CORO7: variants seen among roughly 807,000 people sequenced by gnomAD.
The protein encoded by CORO7 is coronin-7.
In CORO7, 107 loss-of-function variants were observed where a neutral mutation model predicts 126.6. The observed-to-expected ratio is 0.85, with a 90% CI of 0.72 to 0.99. The LOEUF is 0.99. Ranked by LOEUF, CORO7 falls within the 50% of genes least tolerant of loss-of-function variation. The pLI is 0.00. For missense variants in CORO7, 1,314 were observed against 1,255.8 expected (o/e 1.05, Z -0.70); for synonymous variants, 603 against 536.8 (o/e 1.12, Z -1.70).
intron 6 of CORO7, among the ~76,000 whole-genome samples, chr16:4,403,029 T>A (rs973916407): frequency 6.8e-6 from 1 of 146,184 alleles, no homozygotes; most frequent in Non-Finnish European, 1.5e-5. Context: ...GGGGCGGGGG[T>A]GGGGGCACAC....
At position 4,405,498 on chromosome 16, in the gene CORO7, G is replaced by A. The variant is rs202239794; in HGVS notation, c.557C>T (p.Ala186Val). 1.7e-5 allele frequency: 27 copies of A among 1,612,242 alleles called. No individual in the cohort carries two copies. The highest frequency in any genetic ancestry group is 4.0e-5 in the African/African-American group (3 of 75,058). The part of the protein sequence containing the change: ...WSRDGALVGT[A>V]CKDKQLRIFD... ...CCCCACCTGCCTGCTCACCTTGCAC[G>A]CCGTGCCCACCAGGGCTCCATCTCG... Residue 186 changes from alanine to valine, a missense_variant, in exon 6 of 28, where the codon GCG becomes GTG. By Grantham distance (64) the Ala-to-Val change is moderately conservative. Coordinates refer to ENST00000251166, the MANE Select transcript of CORO7 (RefSeq NM_024535.5).
chr16:4,378,526 C>T (rs767326450), intron 9 of CORO7, among the ~76,000 whole-genome samples: 246 of 152,276 alleles, frequency 1.6e-3, no homozygotes, highest in Non-Finnish European at 1.1e-3. Context: ...AGGCCGCACC[C>T]GCCGTCCTCT....
At chr16:4,404,320 T>C (rs1359782502) in intron 6 of CORO7, among the ~76,000 whole-genome samples, 2 of 152,070 alleles carry the variant, frequency 1.3e-5, no homozygotes, top group Non-Finnish European at 2.9e-5. Context: ...CCGACAGGTC[T>C]TCAGAGACCC....
intron 6 of CORO7, among the ~76,000 whole-genome samples, chr16:4,402,807 G>A (rs1343444672): frequency 6.6e-6 from 1 of 152,226 alleles, no homozygotes; most frequent in African/African-American, 2.4e-5. Context: ...CAGGAGCGCA[G>A]CAGGCCGGAA....
intron 7 of CORO7, among the ~76,000 whole-genome samples, chr16:4,393,151 G>A (rs1176627568): frequency 2.0e-5 from 3 of 152,284 alleles, no homozygotes; most frequent in Admixed American, 6.5e-5. Flanking sequence ...AGCCATGCCC[G>A]GTAGGTCGGG....
At chr16:4,381,200 C>T (rs776978792) in intron 9 of CORO7, 7 of 1,612,080 alleles carry the variant, frequency 4.3e-6, no homozygotes, top group South Asian at 2.2e-5. Flanking sequence ...CTGGACCTGA[C>T]AGCCAACAGG....
chr16:4,370,893 G>T (rs890194606), intron 9 of CORO7, among the ~76,000 whole-genome samples: 1 of 152,240 alleles, frequency 6.6e-6, no homozygotes, highest in African/African-American at 2.4e-5. Flanking sequence ...GTGTCCCAAG[G>T]CTCTCCGGAA....
rs1349270211 is a variant in CORO7, at chr16:4,359,392, GGAA to G, written c.2251-10_2251-8del. Reference sequence around the variant, plus strand: ...GGAATACACGGGTGTCGCCCTGCGGGGAAGAAGGCAGGCTGGGAACCCTCCGGC... The same window carrying G: ...GGAATACACGGGTGTCGCCCTGCGGGGAAGGCAGGCTGGGAACCCTCCGGC... On this transcript the variant is annotated splice_polypyrimidine_tract_variant and splice_region_variant and intron_variant, in intron 22 of 27. Transcript: ENST00000251166. 6.2e-7 allele frequency: 1 copy of G among 1,613,618 alleles called. No homozygotes were observed. Among genetic ancestry groups the G allele is most frequent in the Non-Finnish European group, 8.5e-7 (1 of 1,179,954 alleles).
chr16:4,407,868 C>T lies in CORO7; in HGVS notation c.304-184G>A, dbSNP rs116509249. ...GGCCAGGGGCTGCATACCCCACATC[C>T]GAGAAAGGAGGGAGGGAATCTCAGC... On this transcript the variant is annotated intron_variant, in intron 4 of 27. Coordinates refer to ENST00000251166, the MANE Select transcript of CORO7 (RefSeq NM_024535.5). 2.9e-3 allele frequency among the ~76,000 whole-genome samples: 447 copies of T among 152,286 alleles called. 5 individuals are homozygous for T. Among genetic ancestry groups the T allele is most frequent in the African/African-American group, 9.7e-3 (405 of 41,560 alleles).
At chr16:4,361,554 G>T in intron 16 of CORO7, 85 bp from the exon 17 acceptor site, 1 of 1,475,474 alleles carries the variant, frequency 6.8e-7, no homozygotes, top group Non-Finnish European at 9.2e-7. Context: ...CAGCATGTCT[G>T]GGAGCCCACC....
chr16:4,366,864 C>T (rs1276301263), intron 9 of CORO7, among the ~76,000 whole-genome samples: 1 of 152,168 alleles, frequency 6.6e-6, no homozygotes, highest in African/African-American at 2.4e-5. Flanking sequence ...TTTCTGGGAC[C>T]TGCAGGCCTG....
At chr16:4,416,010 C>T in intron 1 of CORO7, 1 of 467,942 alleles carries the variant, frequency 2.1e-6, no homozygotes, top group African/African-American at 2.1e-5. Context: ...CTCGCCGGGG[C>T]CAGAGGAGAG....
chr16:4,357,922 C>G, intron 25 of CORO7, 46 bp downstream of exon 25: 1 of 1,568,444 alleles, frequency 6.4e-7, no homozygotes, highest in Non-Finnish European at 8.7e-7. Flanking sequence ...GTCCCTTTCT[C>G]CAACCCCCAT....
intron 1 of CORO7, chr16:4,415,958 G>T: frequency 1.1e-6 from 1 of 894,930 alleles, no homozygotes; most frequent in Non-Finnish European, 1.3e-6. Context: ...GGAGGGGCGC[G>T]TGCGGCCGAG....
chr16:4,381,019 C>A (rs753171464), intron 9 of CORO7: 34 of 1,609,552 alleles, frequency 2.1e-5, no homozygotes, highest in Non-Finnish European at 2.8e-5. Flanking sequence ...CACGGTGCCC[C>A]GAGACGTGCC....
rs1180678354 is a variant in CORO7 at position 4,416,445 on chromosome 16, C to T, written c.60+14G>A. The T allele has an allele frequency of 6.4e-7, 1 of 1,564,902 alleles. No homozygotes were observed. On this transcript the variant is annotated intron_variant, in intron 1 of 27. Transcript: ENST00000251166. Reference sequence around the variant, plus strand: ...GCCCGAGGCGACAGCGCCCGGTCCTCGGGCCGGACTCACCTCGCGGCGGGG... The same window carrying T: ...GCCCGAGGCGACAGCGCCCGGTCCTTGGGCCGGACTCACCTCGCGGCGGGG...
intron 9 of CORO7, among the ~76,000 whole-genome samples, chr16:4,369,677 A>C (rs2054459229): frequency 6.6e-6 from 1 of 152,178 alleles, no homozygotes; most frequent in African/African-American, 2.4e-5. Flanking sequence ...TACAAGGAGC[A>C]GCTGCAAGGC....
At chr16:4,407,000 C>T (rs759503741) in intron 5 of CORO7, among the ~76,000 whole-genome samples, 9 of 148,688 alleles carry the variant, frequency 6.1e-5, no homozygotes, top group Admixed American at 5.4e-4. Flanking sequence ...CAGGCTGGAG[C>T]GCAGTGGTGC....
chr16:4,357,040 C>G, intron 26 of CORO7, 128 bp downstream of exon 26: 2 of 1,258,568 alleles, frequency 1.6e-6, no homozygotes, highest in Non-Finnish European at 1.1e-6. Flanking sequence ...CCACCAGGCT[C>G]TGGTGTGAAG....
Sources: allele counts gnomAD v4.1 joint callset (sites outside exome capture counted in the v4.1 genomes callset), GRCh38; gene constraint gnomAD v4.1.1; transcripts MANE v1.5; gene names NCBI Gene and HGNC (gene_info 2026-07-23, HGNC 2026-07-21).